Variants in PMS1 observed in about 807,000 individuals in gnomAD.
PMS1 encodes PMS1 homolog 1, mismatch repair system component.
PMS1 carries 79 observed loss-of-function variants against 93.1 expected under a neutral mutation model. That is an observed-to-expected ratio of 0.85 (90% CI 0.71 to 1.02). The LOEUF is 1.02. Among genes scored for constraint, PMS1 ranks in the 50% least tolerant of loss-of-function variants. The pLI is 0.00. For synonymous variants in PMS1, 335 were observed against 363.4 expected (o/e 0.92, Z 0.89); for missense variants, 1,064 against 1,085.3 (o/e 0.98, Z 0.28).
chr2:189,810,260 A>G (rs1016818640), intron 4 of PMS1, among the ~76,000 whole-genome samples: 2 of 152,224 alleles, frequency 1.3e-5, no homozygotes, highest in Non-Finnish European at 2.9e-5. Context: ...TCAAGAGACC[A>G]TTGCTATCTG....
intron 5 of PMS1, among the ~76,000 whole-genome samples, chr2:189,826,151 C>T (rs958423330): frequency 6.6e-6 from 1 of 152,150 alleles, no homozygotes; most frequent in Non-Finnish European, 1.5e-5. Context: ...AGGTTTGTTT[C>T]GCCTGTGCTA....
chr2:189,817,355 G>A lies in PMS1; in HGVS notation c.419-662G>A, dbSNP rs550526004. On this transcript the variant is annotated intron_variant, in intron 4 of 12. Coordinates refer to ENST00000441310, the MANE Select transcript of PMS1 (RefSeq NM_000534.5). The stretch of plus-strand genomic sequence containing the variant: ...GTTTTTAAATGTTTCATTCTTCAGT[G>A]TTTTAAAAATATGTACCTATGTACC... Among the ~76,000 whole-genome samples the A allele has an allele frequency of 2.0e-5, 3 of 152,256 alleles. No homozygotes were observed. The South Asian group carries it at 6.2e-4, about 32-fold the overall frequency.
intron 7 of PMS1, 83 bp from the exon 8 acceptor site, chr2:189,853,856 A>T (rs558462887): frequency 1.2e-6 from 1 of 858,094 alleles, no homozygotes; most frequent in Non-Finnish European, 1.8e-6. Context: ...CATCTACTCA[A>T]TTTCTCAGTT....
At chr2:189,798,999 C>T (rs574992159) in intron 3 of PMS1, among the ~76,000 whole-genome samples, 59 of 152,234 alleles carry the variant, frequency 3.9e-4, no homozygotes, top group Middle Eastern at 3.4e-3. Context: ...CACTGTAGTT[C>T]TGAGTTTAGA....
In PMS1 at chr2:189,805,833, G is replaced by A. The variant is rs1559232564; in HGVS notation, c.418+79G>A. ...TGGTTTAAAAAAAAAAAGTTACTCG[G>A]TGAATACAAATATATTGCTTTGGGC... is the stretch of plus-strand genomic sequence containing the variant. On this transcript the variant is annotated intron_variant, in intron 4 of 12. Transcript: ENST00000441310. The A allele has an allele frequency of 3.2e-6, 5 of 1,582,172 alleles. No homozygotes were observed. In the South Asian group the frequency reaches 5.7e-5, roughly 18 times the overall value.
At chr2:189,856,321 C>T (rs1208754841) in intron 9 of PMS1, among the ~76,000 whole-genome samples, 1 of 151,884 alleles carries the variant, frequency 6.6e-6, no homozygotes, top group Non-Finnish European at 1.5e-5. Context: ...CTTTCTTTCC[C>T]TTTGTTTATT....
rs1310503542 is a variant in PMS1 at position 189,791,611 on chromosome 2, T to C, written c.-20-179T>C. On this transcript the variant is annotated intron_variant, in intron 1 of 12. Transcript: ENST00000441310. ...CAGCCTGGGTGACAGCGAGATTTCA[T>C]CTCCAAAAAAAAAAAAAGAAGAAAT... 6.0e-6 allele frequency: 3 copies of C among 500,008 alleles called. No homozygotes were observed. The African/African-American group carries it at 6.0e-5, about 10-fold the overall frequency. 31.0% of individuals were successfully genotyped at this position (500,008 alleles called of 1,614,324 possible).
chr2:189,857,611 C>A (rs2055486402), intron 9 of PMS1: 11 of 388,304 alleles, frequency 2.8e-5, no homozygotes, highest in South Asian at 1.2e-4. Context: ...TTCTTCTTCT[C>A]TCGATTCCTC....
Position 189,818,001 on chromosome 2 carries a change from T to C in PMS1, c.419-16T>C. The C allele has an allele frequency of 1.0e-5, 16 of 1,595,628 alleles. No homozygotes were observed. Among genetic ancestry groups the C allele is most frequent in the Non-Finnish European group, 1.4e-5 (16 of 1,164,324 alleles). On this transcript the variant is annotated splice_polypyrimidine_tract_variant and intron_variant, in intron 4 of 12. Coordinates refer to ENST00000441310, the MANE Select transcript of PMS1 (RefSeq NM_000534.5). ...CCTTCCAAATCTAAATGTGCTTTTC[T>C]CTTGTCTGCCAACAGGTACAACTGT...
chr2:189,828,532 C>T (rs984122371), intron 5 of PMS1, among the ~76,000 whole-genome samples: 12 of 152,200 alleles, frequency 7.9e-5, no homozygotes, highest in Non-Finnish European at 1.5e-4. Flanking sequence ...AAGCATCTCT[C>T]ACAATGTATC....
At chr2:189,873,294 G>A (rs910148097) in intron 11 of PMS1, among the ~76,000 whole-genome samples, 1 of 152,204 alleles carries the variant, frequency 6.6e-6, no homozygotes, top group Non-Finnish European at 1.5e-5. Flanking sequence ...TAAAGCACAT[G>A]TGGTGTCAGT....
At chr2:189,860,839 TGAG>T (rs150746757) in intron 9 of PMS1, among the ~76,000 whole-genome samples, 4 of 103,218 alleles carry the variant, frequency 3.9e-5, no homozygotes, top group Non-Finnish European at 7.3e-5. Context: ...TTTTTTTTTT[TGAG>T]GAGGAGGATC....
At chr2:189,839,348 C>G (rs1308921760) in intron 5 of PMS1, among the ~76,000 whole-genome samples, 1 of 152,196 alleles carries the variant, frequency 6.6e-6, no homozygotes, top group African/African-American at 2.4e-5. Context: ...CTAAGTCATT[C>G]TTGCCAAAGA....
chr2:189,796,902 T>G (rs748571046), intron 3 of PMS1, among the ~76,000 whole-genome samples: 3 of 152,228 alleles, frequency 2.0e-5, no homozygotes, highest in Non-Finnish European at 2.9e-5. Context: ...AGAAGTAGAC[T>G]TGCTATGTCA....
chr2:189,829,357 C>T (rs562026320), intron 5 of PMS1, among the ~76,000 whole-genome samples: 6 of 152,196 alleles, frequency 3.9e-5, no homozygotes, highest in Non-Finnish European at 7.3e-5. Flanking sequence ...CTAATCACTA[C>T]CTGATGCCTC....
intron 5 of PMS1, among the ~76,000 whole-genome samples, chr2:189,839,794 A>C (rs1267824748): frequency 3.3e-5 from 5 of 152,200 alleles, no homozygotes; most frequent in Non-Finnish European, 7.3e-5. Context: ...CCCAGATTTT[A>C]GTATGGAATC....
chr2:189,801,860 G>A (rs187259772), intron 3 of PMS1, among the ~76,000 whole-genome samples: 129 of 152,252 alleles, frequency 8.5e-4, no homozygotes, highest in South Asian at 1.2e-3. Context: ...AAAGTAGTAT[G>A]CATCTGGATA....
intron 3 of PMS1, among the ~76,000 whole-genome samples, chr2:189,802,134 G>A (rs139466628): frequency 5.2e-4 from 79 of 152,168 alleles, no homozygotes; most frequent in African/African-American, 1.9e-3. Flanking sequence ...TGGTTACAGT[G>A]TACTGAATAT....
intron 12 of PMS1, among the ~76,000 whole-genome samples, chr2:189,873,931 C>G (rs1575407608): frequency 1.3e-5 from 2 of 152,190 alleles, no homozygotes; most frequent in South Asian, 4.1e-4. Context: ...AACTCTTCCA[C>G]AAAACCGGTC....
Sources: allele counts gnomAD v4.1 joint callset (sites outside exome capture counted in the v4.1 genomes callset), GRCh38; gene constraint gnomAD v4.1.1; transcripts MANE v1.5; gene names NCBI Gene and HGNC (gene_info 2026-07-23, HGNC 2026-07-21).